The following CCDC149 variants were observed in gnomAD, a reference collection of about 807,000 sequenced individuals.
CCDC149 encodes coiled-coil domain containing 149, also known as coiled-coil domain-containing protein 149.
CCDC149 carries 45 observed loss-of-function variants against 59.9 expected under a neutral mutation model. The observed-to-expected ratio is 0.75, with a 90% CI of 0.59 to 0.96. The LOEUF (loss-of-function observed/expected upper bound fraction) is 0.96. Among genes scored for constraint, CCDC149 ranks in the 40% least tolerant of loss-of-function variants. The probability of loss-of-function intolerance (pLI) is 0.00; values close to 1 mark genes in which losing one functional copy is unlikely to be tolerated. For synonymous variants in CCDC149, 245 were observed against 260.6 expected (o/e 0.94, Z 0.58); for missense variants, 584 against 664.7 (o/e 0.88, Z 1.33).
At chr4:24,821,960 A>G (rs1386637766) in intron 10 of CCDC149, among the ~76,000 whole-genome samples, 1 of 152,206 alleles carries the variant, frequency 6.6e-6, no homozygotes, top group Non-Finnish European at 1.5e-5. Flanking sequence ...GAGGTGGTGG[A>G]GTACATTTTG....
chr4:24,865,246 A>T (rs1718627943), intron 3 of CCDC149, among the ~76,000 whole-genome samples: 1 of 152,200 alleles, frequency 6.6e-6, no homozygotes, highest in African/African-American at 2.4e-5. Context: ...TGGTATTAAA[A>T]AGTTTGATAC....
At chr4:24,898,706 C>T (rs1656184097) in intron 1 of CCDC149, among the ~76,000 whole-genome samples, 1 of 152,186 alleles carries the variant, frequency 6.6e-6, no homozygotes, top group South Asian at 2.1e-4. Context: ...GTTACCCTGC[C>T]AACAATCCCC....
At chr4:24,955,263 A>C (rs1301183228) in intron 1 of CCDC149, among the ~76,000 whole-genome samples, 1 of 152,214 alleles carries the variant, frequency 6.6e-6, no homozygotes, top group Non-Finnish European at 1.5e-5. Context: ...ACACAGCAGA[A>C]GGCAGAAGGG....
At chr4:24,825,042 T>C (rs1715636576) in intron 9 of CCDC149, among the ~76,000 whole-genome samples, 2 of 152,112 alleles carry the variant, frequency 1.3e-5, no homozygotes, top group East Asian at 1.9e-4. Context: ...GCTATTTACA[T>C]TTTAGCAGCC....
chr4:24,900,348 G>T (rs1178722823), intron 1 of CCDC149, among the ~76,000 whole-genome samples: 2 of 152,162 alleles, frequency 1.3e-5, no homozygotes, highest in Admixed American at 6.5e-5. Flanking sequence ...GCTCTCTCCT[G>T]ACATCACTGA....
rs552585838 is a variant in CCDC149 at position 24,962,606 on chromosome 4, C to T, written c.-65+17463G>A. On this transcript the variant is annotated intron_variant, in intron 1 of 12. Transcript: ENST00000389609. ...TAGGGACATGGATGAAGCTGGAAAC[C>T]ATCATTCTCAGCAAACTATCACAAG... Among the ~76,000 whole-genome samples the T allele has an allele frequency of 1.4e-3, 212 of 152,134 alleles. 1 individual carries two copies. The highest frequency in any genetic ancestry group is 7.1e-3 in the Admixed American group (109 of 15,280).
At chr4:24,898,679 C>T (rs1720984618) in intron 1 of CCDC149, among the ~76,000 whole-genome samples, 1 of 152,144 alleles carries the variant, frequency 6.6e-6, no homozygotes, top group South Asian at 2.1e-4. Context: ...CTGAGGACCC[C>T]CATCCTCAGG....
At chr4:24,838,638 T>G (rs1324374160) in intron 4 of CCDC149, among the ~76,000 whole-genome samples, 1 of 152,102 alleles carries the variant, frequency 6.6e-6, no homozygotes, top group African/African-American at 2.4e-5. Flanking sequence ...AACAATGAGG[T>G]GACATTATCA....
chr4:24,974,901 G>A (rs1724109700), intron 1 of CCDC149, among the ~76,000 whole-genome samples: 1 of 152,100 alleles, frequency 6.6e-6, no homozygotes, highest in Non-Finnish European at 1.5e-5. Context: ...GGGAAGGAAG[G>A]GGAGGGAAGG....
At chr4:24,845,733 C>T (rs991869278) in intron 4 of CCDC149, among the ~76,000 whole-genome samples, 4 of 152,134 alleles carry the variant, frequency 2.6e-5, no homozygotes, top group African/African-American at 4.8e-5. Context: ...ATGAATTGAC[C>T]GAACCAGCCT....
intron 12 of CCDC149, among the ~76,000 whole-genome samples, chr4:24,815,531 T>C (rs927873061): frequency 1.1e-4 from 17 of 152,260 alleles, no homozygotes; most frequent in Non-Finnish European, 2.2e-4. Flanking sequence ...ATTACTCTTA[T>C]GAAATTACTT....
At chr4:24,979,928 G>A (rs551788552) in intron 1 of CCDC149, 1 of 152,084 alleles carries the variant, frequency 6.6e-6, no homozygotes, top group African/African-American at 2.4e-5. Flanking sequence ...GGCTTAAAAG[G>A]CTTCTTTGAT....
chr4:24,921,964 A>G (rs192253718), intron 1 of CCDC149, among the ~76,000 whole-genome samples: 7 of 152,288 alleles, frequency 4.6e-5, no homozygotes, highest in African/African-American at 1.7e-4. Flanking sequence ...TGGAGACTAG[A>G]AATCTGCATT....
chr4:24,931,408 T>C (rs1722584403), intron 1 of CCDC149, among the ~76,000 whole-genome samples: 1 of 151,154 alleles, frequency 6.6e-6, no homozygotes, highest in Non-Finnish European at 1.5e-5. Context: ...GATAGGTTTA[T>C]ATTTTGCTCC....
chr4:24,862,274 A>G (rs540185423), intron 3 of CCDC149, among the ~76,000 whole-genome samples: 4 of 152,190 alleles, frequency 2.6e-5, no homozygotes, highest in African/African-American at 9.6e-5. Context: ...AAGTGTGCAC[A>G]CTCCGTGGAG....
At chr4:24,833,675 T>C (rs1716316218) in intron 8 of CCDC149, among the ~76,000 whole-genome samples, 2 of 152,236 alleles carry the variant, frequency 1.3e-5, no homozygotes, top group Non-Finnish European at 2.9e-5. Context: ...TGTGTTTTCA[T>C]GTAGAATTAT....
intron 1 of CCDC149, among the ~76,000 whole-genome samples, chr4:24,941,346 G>A (rs868190724): frequency 1.9e-4 from 29 of 152,030 alleles, no homozygotes; most frequent in African/African-American, 3.1e-4. Context: ...CTTTGAAACC[G>A]ACGAGAACAA....
At chr4:24,956,730 GTAAA>G (rs1040570636) in intron 1 of CCDC149, among the ~76,000 whole-genome samples, 2 of 152,196 alleles carry the variant, frequency 1.3e-5, no homozygotes, top group Admixed American at 6.5e-5. Flanking sequence ...TTCATCCAAA[GTAAA>G]TAAATAAACA....
intron 1 of CCDC149, among the ~76,000 whole-genome samples, chr4:24,938,735 C>A (rs549827347): frequency 1.3e-5 from 2 of 152,356 alleles, no homozygotes; most frequent in East Asian, 3.9e-4. Flanking sequence ...AAATGGCACA[C>A]CAGGAGATTA....
Sources: allele counts gnomAD v4.1 joint callset (sites outside exome capture counted in the v4.1 genomes callset), GRCh38; gene constraint gnomAD v4.1.1; transcripts MANE v1.5; gene names NCBI Gene and HGNC (gene_info 2026-07-23, HGNC 2026-07-21).